Variants in EPHB2 observed in about 807,000 individuals in gnomAD.
EPHB2 encodes the protein ephrin type-B receptor 2.
Under a neutral mutation model 96.4 loss-of-function variants are expected in EPHB2, and 18 were observed. The ratio of observed to expected loss-of-function variants is 0.19; its 90% CI spans 0.13 to 0.28. EPHB2 has a LOEUF of 0.28. EPHB2 is among the 10% of genes least tolerant of loss of function. The probability of loss-of-function intolerance (pLI) is 1.00; values close to 1 mark genes in which losing one functional copy is unlikely to be tolerated. For synonymous variants in EPHB2, 506 were observed against 534.1 expected (o/e 0.95, Z 0.72); for missense variants, 989 against 1,355.4 (o/e 0.73, Z 4.25).
intron 3 of EPHB2, among the ~76,000 whole-genome samples, chr1:22,829,621 C>G (rs1436879277): frequency 1.3e-5 from 2 of 152,152 alleles, no homozygotes; most frequent in Non-Finnish European, 1.5e-5. Flanking sequence ...TCTGAGGTCA[C>G]TGGGGAGGTG....
chr1:22,860,625 A>G lies in EPHB2; in HGVS notation c.812-2412A>G, dbSNP rs1044013327. On this transcript the variant is annotated intron_variant, in intron 3 of 15. Transcript: ENST00000374630. This position sits in a 1 kb window ranked among gnomAD's most constrained non-coding sequence, Gnocchi z 4.6. ...CCACCCACTGGCGGCCCCCCCGGGA[A>G]TGCCCCGCAGATGGAGGAGGGATGC... Among the ~76,000 whole-genome samples, 1 of 152,248 alleles carries G rather than the reference A, an allele frequency of 6.6e-6. No homozygotes were observed. Among genetic ancestry groups the G allele is most frequent in the Admixed American group, 6.5e-5 (1 of 15,292 alleles).
In EPHB2 at chr1:22,879,576, A is replaced by G. The variant is rs144122464; in HGVS notation, c.1304-2783A>G. On this transcript the variant is annotated intron_variant, in intron 5 of 15. Coordinates refer to ENST00000374630, the MANE Select transcript of EPHB2 (RefSeq NM_017449.5). ...CAGAGGGGGTCATAGCTAGGGCAGG[A>G]TGACTCAGCTCCAAGCCCACCTCAG... Among the ~76,000 whole-genome samples, 399 of 152,294 alleles carry G rather than the reference A, an allele frequency of 2.6e-3. 3 individuals are homozygous for G. The highest frequency in any genetic ancestry group is 8.8e-3 in the African/African-American group (365 of 41,556).
At chr1:22,809,159 G>A (rs1328581976) in intron 3 of EPHB2, among the ~76,000 whole-genome samples, 1 of 152,188 alleles carries the variant, frequency 6.6e-6, no homozygotes, top group Non-Finnish European at 1.5e-5. Flanking sequence ...CCCACTTCCT[G>A]TGACCCCTGG....
intron 1 of EPHB2, among the ~76,000 whole-genome samples, chr1:22,720,665 C>CAA (rs1553157977): frequency 9.8e-6 from 1 of 102,102 alleles, no homozygotes; most frequent in Non-Finnish European, 2.2e-5. Flanking sequence ...CTCATTCCCC[C>CAA]CCCCCCCCGC....
intron 1 of EPHB2, among the ~76,000 whole-genome samples, chr1:22,741,455 T>C (rs1643901669): frequency 6.6e-6 from 1 of 152,140 alleles, no homozygotes; most frequent in African/African-American, 2.4e-5. Context: ...CCTGTCTCTC[T>C]TTGGGAGATA....
At chr1:22,781,390 G>A in intron 1 of EPHB2, 31 bp from the exon 2 acceptor site, 2 of 1,610,412 alleles carry the variant, frequency 1.2e-6, no homozygotes, top group South Asian at 1.1e-5. Context: ...GGTAGGTGGG[G>A]CGGGGTGGTG....
At chr1:22,909,285 A>C in intron 13 of EPHB2, 114 bp downstream of exon 13, 2 of 1,532,364 alleles carry the variant, frequency 1.3e-6, no homozygotes, top group Admixed American at 3.6e-5. Context: ...GGCTTCTGAG[A>C]TCATGGGCCT....
At chr1:22,876,202 C>G (rs541757832) in intron 5 of EPHB2, among the ~76,000 whole-genome samples, 48 of 152,236 alleles carry the variant, frequency 3.2e-4, no homozygotes, top group African/African-American at 1.1e-3. Flanking sequence ...ACCTCTCCCC[C>G]ACTCCCTTGG....
chr1:22,889,349 C>T (rs951377990), intron 6 of EPHB2, among the ~76,000 whole-genome samples: 4 of 152,174 alleles, frequency 2.6e-5, no homozygotes, highest in Admixed American at 2.0e-4. Context: ...TGGGCACCCA[C>T]CCAGTTTACA....
intron 6 of EPHB2, among the ~76,000 whole-genome samples, chr1:22,884,423 G>A (rs1009556764): frequency 2.0e-5 from 3 of 151,902 alleles, no homozygotes; most frequent in Non-Finnish European, 2.9e-5. Flanking sequence ...GGTGGATCAC[G>A]GGCCTGACCA....
intron 1 of EPHB2, among the ~76,000 whole-genome samples, chr1:22,754,471 T>G (rs1644112354): frequency 6.6e-6 from 1 of 152,032 alleles, no homozygotes. Context: ...AGCCTGGTGC[T>G]CACTCTTTGG....
intron 1 of EPHB2, among the ~76,000 whole-genome samples, chr1:22,749,092 C>T (rs2148376761): frequency 6.6e-6 from 1 of 151,588 alleles, no homozygotes; most frequent in East Asian, 2.0e-4. Flanking sequence ...GGGATCTCGC[C>T]TCACTGCAAC....
chr1:22,857,822 T>C (rs1645723974), intron 3 of EPHB2, among the ~76,000 whole-genome samples: 2 of 152,100 alleles, frequency 1.3e-5, no homozygotes, highest in African/African-American at 4.8e-5. Flanking sequence ...AATCAACCTG[T>C]ACACATCAAG....
intron 3 of EPHB2, among the ~76,000 whole-genome samples, chr1:22,859,411 C>T (rs1191494727): frequency 1.3e-5 from 2 of 151,988 alleles, no homozygotes; most frequent in African/African-American, 2.4e-5. Flanking sequence ...GTTTGGGCTT[C>T]CCATGTCTGC....
intron 3 of EPHB2, among the ~76,000 whole-genome samples, chr1:22,855,345 G>A (rs2148513870): frequency 6.6e-6 from 1 of 152,336 alleles, no homozygotes; most frequent in African/African-American, 2.4e-5. Context: ...AAAGCGAGCT[G>A]GCTGCACTTC....
intron 1 of EPHB2, among the ~76,000 whole-genome samples, chr1:22,739,841 G>A (rs1034558943): frequency 2.0e-5 from 3 of 152,178 alleles, no homozygotes; most frequent in South Asian, 2.1e-4. Context: ...AATCGTTCTC[G>A]GATTTGATGA....
intron 3 of EPHB2, among the ~76,000 whole-genome samples, chr1:22,792,080 G>C (rs1393590206): frequency 6.6e-6 from 1 of 152,088 alleles, no homozygotes; most frequent in Non-Finnish European, 1.5e-5. Context: ...GGGAGGGAGG[G>C]GCCAGGGGTC....
chr1:22,752,666 A>G lies in EPHB2; in HGVS notation c.62-28755A>G, dbSNP rs1057014835. Among the ~76,000 whole-genome samples, 6 of 151,368 alleles carry G rather than the reference A, an allele frequency of 4.0e-5. No individual in the cohort carries two copies. The South Asian group carries it at 1.2e-3, about 31-fold the overall frequency. ...CAGAGTTGGATCCAGGCTGATCTATATATTTGTATATAAAAATATGTGCAT... is the reference window on the plus strand; with the variant it reads ...CAGAGTTGGATCCAGGCTGATCTATGTATTTGTATATAAAAATATGTGCAT... On this transcript the variant is annotated intron_variant, in intron 1 of 15. Coordinates refer to ENST00000374630, the MANE Select transcript of EPHB2 (RefSeq NM_017449.5).
chr1:22,800,988 C>T (rs1333177059), intron 3 of EPHB2, among the ~76,000 whole-genome samples: 1 of 152,224 alleles, frequency 6.6e-6, no homozygotes, highest in Non-Finnish European at 1.5e-5. Flanking sequence ...ACCGGTTGTG[C>T]CTGCACACAC....
Sources: gnomAD v4.1 joint callset for allele counts (sites outside exome capture counted in the v4.1 genomes callset) on GRCh38, gnomAD v4.1.1 for gene constraint, Gnocchi (gnomAD v3.1) non-coding constraint, MANE v1.5 for transcripts, NCBI Gene and HGNC (gene_info 2026-07-23, HGNC 2026-07-21) for gene names.